The following BBX variants were observed in gnomAD, a reference collection of about 807,000 sequenced individuals.
BBX encodes the protein HMG box transcription factor BBX.
In BBX, 30 loss-of-function variants were observed where a neutral mutation model predicts 100.2. That is an observed-to-expected ratio of 0.30 (90% CI 0.22 to 0.41). The LOEUF (loss-of-function observed/expected upper bound fraction) is 0.41. BBX is among the 10% of genes least tolerant of loss of function. The probability of loss-of-function intolerance (pLI) is 1.00; values close to 1 mark genes in which losing one functional copy is unlikely to be tolerated. For missense variants in BBX, 1,023 were observed against 1,129.8 expected (o/e 0.91, Z 1.35); for synonymous variants, 376 against 388.1 (o/e 0.97, Z 0.37).
chr3:107,531,888 T>A (rs2048184770), intron 2 of BBX, among the ~76,000 whole-genome samples: 2 of 152,204 alleles, frequency 1.3e-5, no homozygotes, highest in South Asian at 4.1e-4. Flanking sequence ...GATATTAGAA[T>A]GTCTTAGAGT....
intron 3 of BBX, chr3:107,659,770 CG>C (rs1576216821): frequency 7.8e-7 from 1 of 1,274,780 alleles, no homozygotes; most frequent in Non-Finnish European, 1.0e-6. Flanking sequence ...TTATTTTTAA[CG>C]TAAGTGTGTA....
chr3:107,730,351 A>G (rs2063228878), intron 6 of BBX, among the ~76,000 whole-genome samples: 2 of 152,126 alleles, frequency 1.3e-5, no homozygotes, highest in Admixed American at 6.6e-5. Context: ...TTTCTAACAT[A>G]TCTTATTATC....
At chr3:107,637,595 A>C (rs1345634659) in intron 2 of BBX, among the ~76,000 whole-genome samples, 1 of 152,212 alleles carries the variant, frequency 6.6e-6, no homozygotes, top group Non-Finnish European at 1.5e-5. Context: ...GAGTGGCTTC[A>C]AACTCTTATC....
chr3:107,537,768 C>T (rs190820947), intron 2 of BBX, among the ~76,000 whole-genome samples: 2 of 152,258 alleles, frequency 1.3e-5, no homozygotes, highest in East Asian at 3.9e-4. Flanking sequence ...ATTTGTGGCC[C>T]TTATTTGACT....
chr3:107,581,766 A>G (rs1304244297), intron 2 of BBX, among the ~76,000 whole-genome samples: 1 of 152,138 alleles, frequency 6.6e-6, no homozygotes, highest in Admixed American at 6.5e-5. Context: ...ACAGCAGGGC[A>G]GAATTTATAG....
intron 10 of BBX, among the ~76,000 whole-genome samples, chr3:107,761,110 C>T (rs1216667977): frequency 3.9e-5 from 6 of 152,114 alleles, no homozygotes; most frequent in African/African-American, 1.2e-4. Flanking sequence ...TTATACCTGA[C>T]CGCCATACAT....
intron 13 of BBX, among the ~76,000 whole-genome samples, chr3:107,780,666 A>G (rs1296035675): frequency 1.3e-5 from 2 of 152,126 alleles, no homozygotes; most frequent in Non-Finnish European, 2.9e-5. Context: ...TGCAATTAAA[A>G]TAAGCAGAAA....
In BBX at chr3:107,807,610, T is replaced by C. The variant is rs2071122549; in HGVS notation, c.*2153T>C. 6.6e-6 allele frequency: 1 copy of C among 152,118 alleles called. No homozygotes were observed. Among genetic ancestry groups the C allele is most frequent in the Non-Finnish European group, 1.5e-5 (1 of 68,016 alleles). The allele number at this position is 152,118 out of a possible 1,614,324, so 9.4% of individuals were successfully genotyped here. A position where few individuals can be genotyped will look rare whatever the true frequency, so the allele number is the denominator to read the frequency against. ...TAACTTGTTATTCTATAGAACACGT[T>C]AGAATAGATCTATTTTTGCCAGAGC... On this transcript the variant is annotated 3_prime_UTR_variant, in exon 18 of 18. Transcript: ENST00000325805.
At chr3:107,616,667 T>A (rs1377075859) in intron 2 of BBX, among the ~76,000 whole-genome samples, 1 of 152,158 alleles carries the variant, frequency 6.6e-6, no homozygotes, top group Non-Finnish European at 1.5e-5. Flanking sequence ...ATATTGAACA[T>A]CTTTTCATGC....
chr3:107,699,978 C>T (rs74534619), intron 3 of BBX, among the ~76,000 whole-genome samples: 2 of 152,062 alleles, frequency 1.3e-5, no homozygotes, highest in East Asian at 1.9e-4. Context: ...TAGTGAAGCA[C>T]ATCGTTGGGT....
At chr3:107,546,214 A>G (rs1051292714) in intron 2 of BBX, among the ~76,000 whole-genome samples, 1 of 152,154 alleles carries the variant, frequency 6.6e-6, no homozygotes, top group Non-Finnish European at 1.5e-5. Context: ...GGAGCTACTG[A>G]CCATCCATAT....
chr3:107,710,995 C>A (rs2061683585), intron 4 of BBX, among the ~76,000 whole-genome samples: 1 of 152,212 alleles, frequency 6.6e-6, no homozygotes, highest in Admixed American at 6.5e-5. Context: ...CTACCATTGG[C>A]AGTCTTAGAA....
At position 107,666,936 on chromosome 3, in the gene BBX, A is replaced by G. The variant is rs1388592762; in HGVS notation, c.-10+21027A>G. 3.3e-5 allele frequency among the ~76,000 whole-genome samples: 5 copies of G among 152,324 alleles called. No individual in the cohort carries two copies. In the East Asian group the frequency reaches 9.6e-4, roughly 29 times the overall value. ...CCTCCTACCCCCAGCCTCCATACAC[A>G]TAAAACACTCAAGATTCACTGGGCT... On this transcript the variant is annotated intron_variant, in intron 3 of 17. Transcript: ENST00000325805.
intron 3 of BBX, among the ~76,000 whole-genome samples, chr3:107,709,137 T>TA (rs937853268): frequency 8.5e-4 from 129 of 152,122 alleles, no homozygotes; most frequent in Admixed American, 1.9e-3. Flanking sequence ...TATTTTTTTT[T>TA]AAAAAAGAAG....
At chr3:107,565,759 G>GT (rs1243651554) in intron 2 of BBX, among the ~76,000 whole-genome samples, 11 of 148,908 alleles carry the variant, frequency 7.4e-5, no homozygotes, top group African/African-American at 1.5e-4. Flanking sequence ...GCCCAACCTA[G>GT]TTTTTTTTTT....
intron 5 of BBX, among the ~76,000 whole-genome samples, chr3:107,726,410 G>A (rs1468866040): frequency 6.6e-6 from 1 of 151,828 alleles, no homozygotes; most frequent in Non-Finnish European, 1.5e-5. Context: ...GACAAAGACT[G>A]TGTGTTATTC....
chr3:107,579,124 A>G (rs926626626), intron 2 of BBX, among the ~76,000 whole-genome samples: 3 of 152,024 alleles, frequency 2.0e-5, no homozygotes, highest in Non-Finnish European at 4.4e-5. Flanking sequence ...TCTCACTTTC[A>G]CATTGTGTTT....
intron 2 of BBX, among the ~76,000 whole-genome samples, chr3:107,590,849 T>C (rs535040088): frequency 4.7e-4 from 72 of 152,324 alleles, no homozygotes; most frequent in African/African-American, 1.5e-3. Context: ...AGCACTTGGG[T>C]TGGGGACAGA....
chr3:107,717,563 G>T (rs1172493506), intron 5 of BBX, among the ~76,000 whole-genome samples: 1 of 152,130 alleles, frequency 6.6e-6, no homozygotes, highest in African/African-American at 2.4e-5. Context: ...AATACCAGTG[G>T]AACAGGATGT....
Sources: allele counts gnomAD v4.1 joint callset (sites outside exome capture counted in the v4.1 genomes callset), GRCh38; gene constraint gnomAD v4.1.1; transcripts MANE v1.5; gene names NCBI Gene and HGNC (gene_info 2026-07-23, HGNC 2026-07-21).